Variants in LHFPL2 observed in about 807,000 individuals in gnomAD.
LHFPL2 encodes the protein LHFPL tetraspan subfamily member 2 protein.
Under a neutral mutation model 17.5 loss-of-function variants are expected in LHFPL2, and 7 were observed. The ratio of observed to expected loss-of-function variants is 0.40; its 90% confidence interval spans 0.23 to 0.75. The LOEUF (loss-of-function observed/expected upper bound fraction) is 0.75, where lower values mean the gene tolerates loss of function less well. LHFPL2 is among the 30% of genes least tolerant of loss of function. The pLI is 0.37. For synonymous variants in LHFPL2, 134 were observed against 116.2 expected (o/e 1.15, Z -0.99); for missense variants, 241 against 294.8 (o/e 0.82, Z 1.34).
At chr5:78,528,420 GATCTAGGTTGC>G (rs778609052) in intron 3 of LHFPL2, among the ~76,000 whole-genome samples, 14 of 152,176 alleles carry the variant, frequency 9.2e-5, no homozygotes, top group Non-Finnish European at 1.0e-4. Flanking sequence ...GTGTGCAAAG[GATCTAGGTTGC>G]ATGCTCCTTA....
intron 3 of LHFPL2, among the ~76,000 whole-genome samples, chr5:78,550,490 G>C (rs955265295): frequency 3.3e-5 from 5 of 152,206 alleles, no homozygotes; most frequent in African/African-American, 4.8e-5. Context: ...CCGGAATGCA[G>C]TGAAGGCACA....
chr5:78,620,450 A>G (rs1467846019), intron 2 of LHFPL2, among the ~76,000 whole-genome samples: 1 of 152,168 alleles, frequency 6.6e-6, no homozygotes, highest in African/African-American at 2.4e-5. Context: ...GATGATCTAC[A>G]ATGATCAACA....
chr5:78,501,415 T>G (rs12186533), intron 4 of LHFPL2, among the ~76,000 whole-genome samples: 56,845 of 152,076 alleles, frequency 0.37, 12,632 homozygotes, highest in Non-Finnish European at 0.5. Context: ...AACTTCTGGC[T>G]GAGGGCCCTT....
At chr5:78,554,573 AC>A (rs1452359667) in intron 3 of LHFPL2, among the ~76,000 whole-genome samples, 2 of 152,242 alleles carry the variant, frequency 1.3e-5, no homozygotes, top group African/African-American at 2.4e-5. Flanking sequence ...CTTTTGGGGA[AC>A]CCAACCTAAG....
At chr5:78,607,887 A>G (rs553034429) in intron 2 of LHFPL2, among the ~76,000 whole-genome samples, 2 of 152,368 alleles carry the variant, frequency 1.3e-5, no homozygotes, top group East Asian at 1.9e-4. Flanking sequence ...TAATGCCCAA[A>G]GGGAGCACAA....
chr5:78,619,355 C>T (rs1042590892), intron 2 of LHFPL2, among the ~76,000 whole-genome samples: 2 of 152,006 alleles, frequency 1.3e-5, no homozygotes, highest in African/African-American at 4.8e-5. Context: ...AGGGCTTTGG[C>T]CCTTAGAAAT....
intron 2 of LHFPL2, among the ~76,000 whole-genome samples, chr5:78,616,521 A>C (rs977435188): frequency 6.6e-6 from 1 of 152,172 alleles, no homozygotes; most frequent in African/African-American, 2.4e-5. Flanking sequence ...TAAGAATTCC[A>C]AGGCAGTCAT....
chr5:78,619,368 C>G (rs1397315083), intron 2 of LHFPL2, among the ~76,000 whole-genome samples: 2 of 152,040 alleles, frequency 1.3e-5, no homozygotes, highest in African/African-American at 2.4e-5. Flanking sequence ...TTAGAAATTT[C>G]TAGAAGATAT....
At chr5:78,580,597 T>C (rs893017569) in intron 2 of LHFPL2, among the ~76,000 whole-genome samples, 22 of 129,560 alleles carry the variant, frequency 1.7e-4, no homozygotes, top group Admixed American at 5.2e-4. Flanking sequence ...ATTTATTAAA[T>C]AGGGAATCCT....
chr5:78,619,022 CCAAT>C, intron 2 of LHFPL2, among the ~76,000 whole-genome samples: 1 of 152,172 alleles, frequency 6.6e-6, no homozygotes, highest in Non-Finnish European at 1.5e-5. Flanking sequence ...TGTCAATAGA[CCAAT>C]CACTTTTCTT....
chr5:78,524,190 C>G (rs1287057006), intron 3 of LHFPL2, among the ~76,000 whole-genome samples: 1 of 152,186 alleles, frequency 6.6e-6, no homozygotes, highest in African/African-American at 2.4e-5. Context: ...CCTTGCTCAC[C>G]TTGCGCCCAG....
At chr5:78,642,547 C>T (rs1308550176) in intron 1 of LHFPL2, among the ~76,000 whole-genome samples, 6 of 152,128 alleles carry the variant, frequency 3.9e-5, no homozygotes, top group Admixed American at 1.3e-4. Flanking sequence ...ATTTCACTTA[C>T]AAGGACACAA....
At chr5:78,494,484 G>A (rs1300289078) in intron 4 of LHFPL2, 1 of 985,282 alleles carries the variant, frequency 1.0e-6, no homozygotes, top group Non-Finnish European at 1.2e-6. Context: ...GAGGTTAGAA[G>A]ACGTTAGCAT....
intron 2 of LHFPL2, among the ~76,000 whole-genome samples, chr5:78,594,213 A>T (rs1743748839): frequency 6.6e-6 from 1 of 152,230 alleles, no homozygotes; most frequent in Non-Finnish European, 1.5e-5. Context: ...CTAGACAAGA[A>T]GAGAGGCTTA....
chr5:78,518,241 G>A (rs1225835386), intron 3 of LHFPL2, among the ~76,000 whole-genome samples: 1 of 152,210 alleles, frequency 6.6e-6, no homozygotes, highest in African/African-American at 2.4e-5. Flanking sequence ...TGAACCTCTT[G>A]TGTCTTCTCA....
chr5:78,493,296 G>T (rs1006046358), intron 4 of LHFPL2, among the ~76,000 whole-genome samples: 13 of 152,156 alleles, frequency 8.5e-5, no homozygotes, highest in African/African-American at 3.1e-4. Context: ...CTGCTCTCAG[G>T]CTGAAGCAGC....
chr5:78,516,047 A>G (rs1351929578), intron 3 of LHFPL2, among the ~76,000 whole-genome samples: 1 of 152,188 alleles, frequency 6.6e-6, no homozygotes, highest in Non-Finnish European at 1.5e-5. Context: ...TCTTCAGAAG[A>G]CAAAAGGAGC....
chr5:78,583,652 G>A (rs1743238556), intron 2 of LHFPL2, among the ~76,000 whole-genome samples: 1 of 152,166 alleles, frequency 6.6e-6, no homozygotes, highest in Admixed American at 6.5e-5. Context: ...CAAGAGATCT[G>A]CTGTTAGTCT....
chr5:78,626,825 A>C (rs1745052597), intron 2 of LHFPL2, among the ~76,000 whole-genome samples: 2 of 152,074 alleles, frequency 1.3e-5, no homozygotes, highest in South Asian at 4.1e-4. Flanking sequence ...TCACGCCTGT[A>C]ATCTCAGCAC....
Sources: gnomAD v4.1 joint callset for allele counts (sites outside exome capture counted in the v4.1 genomes callset) on GRCh38, gnomAD v4.1.1 for gene constraint, MANE v1.5 for transcripts, NCBI Gene and HGNC (gene_info 2026-07-23, HGNC 2026-07-21) for gene names.